Variants in POT1 observed in about 807,000 individuals in gnomAD.
The protein encoded by POT1 is protection of telomeres protein 1.
POT1 carries 47 observed loss-of-function variants against 78.5 expected under a neutral mutation model. That is an observed-to-expected ratio of 0.60 (90% CI 0.47 to 0.76). POT1 has a LOEUF of 0.76. Among genes scored for constraint, POT1 ranks in the 30% least tolerant of loss-of-function variants. The pLI is 0.00. For synonymous variants in POT1, 259 were observed against 260.7 expected (o/e 0.99, Z 0.06); for missense variants, 646 against 749.9 (o/e 0.86, Z 1.62).
At chr7:124,846,153 A>G (rs996202219) in intron 12 of POT1, among the ~76,000 whole-genome samples, 1 of 135,012 alleles carries the variant, frequency 7.4e-6, no homozygotes, top group Non-Finnish European at 1.6e-5. Flanking sequence ...ATGAACACAC[A>G]TTCATACTGA....
intron 7 of POT1, among the ~76,000 whole-genome samples, chr7:124,866,142 C>A (rs916461533): frequency 6.6e-6 from 1 of 152,038 alleles, no homozygotes; most frequent in Non-Finnish European, 1.5e-5. Flanking sequence ...TAGGGTGATA[C>A]GTGGAAAGCC....
intron 3 of POT1, among the ~76,000 whole-genome samples, chr7:124,900,464 A>G (rs1025862005): frequency 6.6e-6 from 1 of 152,132 alleles, no homozygotes; most frequent in Non-Finnish European, 1.5e-5. Flanking sequence ...TGTTATTTAC[A>G]AACTTTTCTT....
chr7:124,876,429 C>A (rs899578447), intron 6 of POT1, among the ~76,000 whole-genome samples: 14 of 151,532 alleles, frequency 9.2e-5, no homozygotes, highest in Admixed American at 9.2e-4. Flanking sequence ...GAACTTAAAG[C>A]AAAAGGAAAA....
chr7:124,827,934 G>T (rs951224982), intron 16 of POT1, among the ~76,000 whole-genome samples: 1 of 152,078 alleles, frequency 6.6e-6, no homozygotes, highest in Admixed American at 6.5e-5. Flanking sequence ...TCTGGAGGCT[G>T]AGGCATGAGA....
intron 17 of POT1, 112 bp downstream of exon 17, chr7:124,827,102 T>C: frequency 2.1e-6 from 1 of 471,064 alleles, no homozygotes; most frequent in Middle Eastern, 6.2e-4. Flanking sequence ...TTTACTTATA[T>C]TTTTAAGGTG....
rs543394852 is a variant in POT1 at position 124,909,818 on chromosome 7, G to A, written c.-154+5756C>T. 1.2e-3 allele frequency among the ~76,000 whole-genome samples: 176 copies of A among 151,872 alleles called. 1 individual carries two copies. Among genetic ancestry groups the A allele is most frequent in the African/African-American group, 3.9e-3 (160 of 41,492 alleles). On this transcript the variant is annotated intron_variant, in intron 3 of 18. Coordinates refer to ENST00000357628, the MANE Select transcript of POT1 (RefSeq NM_015450.3). ...ACTATACATGTTTTGTTAATTCATA[G>A]CATAACCCTTTTATACTGTTTCTCA...
chr7:124,848,667 G>GAAAAAAAAAAAAAAAAAAAAAAAAA (rs11322299), intron 11 of POT1: 1 of 109,700 alleles, frequency 9.1e-6, no homozygotes, highest in Non-Finnish European at 2.0e-5. Context: ...CATCTCAAAA[G>GAAAAAAAAAAAAAAAAAAAAAAAAA]AAAAAAAAAA....
intron 9 of POT1, among the ~76,000 whole-genome samples, chr7:124,856,163 T>C (rs1041749600): frequency 1.6e-4 from 24 of 152,284 alleles, no homozygotes; most frequent in African/African-American, 5.8e-4. Flanking sequence ...CAAAAGTCTT[T>C]CGTACTGGTT....
chr7:124,845,183 A>T (rs1183179642), intron 12 of POT1, among the ~76,000 whole-genome samples: 1 of 152,238 alleles, frequency 6.6e-6, no homozygotes, highest in Non-Finnish European at 1.5e-5. Flanking sequence ...TCAAATTTCT[A>T]CAATTGTCCT....
At chr7:124,921,543 TA>T (rs1797151277) in intron 2 of POT1, among the ~76,000 whole-genome samples, 1 of 151,988 alleles carries the variant, frequency 6.6e-6, no homozygotes, top group South Asian at 2.1e-4. Flanking sequence ...ATACGAAGAA[TA>T]TAGACAAGCA....
At chr7:124,851,383 T>A (rs1034996696) in intron 11 of POT1, among the ~76,000 whole-genome samples, 1 of 152,186 alleles carries the variant, frequency 6.6e-6, no homozygotes, top group Non-Finnish European at 1.5e-5. Flanking sequence ...AAGTTCAGAT[T>A]TGACTAGTCA....
chr7:124,881,706 A>G (rs1179232527), intron 6 of POT1, among the ~76,000 whole-genome samples: 1 of 152,002 alleles, frequency 6.6e-6, no homozygotes, highest in African/African-American at 2.4e-5. Flanking sequence ...ACAAATAAAA[A>G]TATTTTCCCC....
At chr7:124,846,568 T>G (rs1795172623) in intron 12 of POT1, among the ~76,000 whole-genome samples, 1 of 152,094 alleles carries the variant, frequency 6.6e-6, no homozygotes, top group African/African-American at 2.4e-5. Flanking sequence ...ATGCATCATG[T>G]GACAGGATAA....
intron 2 of POT1, among the ~76,000 whole-genome samples, chr7:124,926,746 T>G (rs930920349): frequency 1.4e-4 from 22 of 152,170 alleles, no homozygotes; most frequent in African/African-American, 4.8e-4. Flanking sequence ...ATTTAGACAT[T>G]AAAAAGAATG....
chr7:124,852,356 T>C (rs1795332036), intron 10 of POT1, among the ~76,000 whole-genome samples: 1 of 152,148 alleles, frequency 6.6e-6, no homozygotes, highest in African/African-American at 2.4e-5. Flanking sequence ...CAAAAGTTAT[T>C]TAAATTTAAT....
intron 2 of POT1, among the ~76,000 whole-genome samples, chr7:124,917,196 A>C (rs1305727415): frequency 2.6e-5 from 4 of 152,130 alleles, no homozygotes; most frequent in Non-Finnish European, 5.9e-5. Flanking sequence ...AGAACAGAGA[A>C]CATCTACCTA....
chr7:124,840,452 A>G (rs13228116), intron 14 of POT1, among the ~76,000 whole-genome samples: 57,711 of 151,790 alleles, frequency 0.38, 11,292 homozygotes, highest in East Asian at 0.5. Context: ...TTCACAGTAC[A>G]TATTTTAGAT....
intron 6 of POT1, among the ~76,000 whole-genome samples, 187 bp downstream of exon 6, chr7:124,892,079 A>T (rs1308751617): frequency 6.6e-6 from 1 of 151,470 alleles, no homozygotes; most frequent in Non-Finnish European, 1.5e-5. Flanking sequence ...CTTTAACTAG[A>T]CTCTAGAATC....
chr7:124,904,431 A>C (rs1216596484), intron 3 of POT1, among the ~76,000 whole-genome samples: 2 of 152,186 alleles, frequency 1.3e-5, no homozygotes, highest in Non-Finnish European at 2.9e-5. Flanking sequence ...AAAGGCCTTC[A>C]ACAAAATTCG....
Sources: allele counts gnomAD v4.1 joint callset (sites outside exome capture counted in the v4.1 genomes callset), GRCh38; gene constraint gnomAD v4.1.1; transcripts MANE v1.5; gene names NCBI Gene and HGNC (gene_info 2026-07-23, HGNC 2026-07-21).